The following ALPK2 variants were observed in gnomAD, a reference collection of about 807,000 sequenced individuals.
ALPK2 encodes alpha-protein kinase 2.
A neutral mutation model predicts 163.1 loss-of-function variants in ALPK2; 127 were observed. That is an observed-to-expected ratio of 0.78 (90% confidence interval 0.67 to 0.90). The LOEUF (loss-of-function observed/expected upper bound fraction) is 0.90. Ranked by LOEUF, ALPK2 falls within the 40% of genes least tolerant of loss-of-function variation. The pLI, the probability that ALPK2 is intolerant of heterozygous loss-of-function variation, is 0.00. For synonymous variants in ALPK2, 953 were observed against 959.1 expected (o/e 0.99, Z 0.12); for missense variants, 2,360 against 2,589.6 (o/e 0.91, Z 1.92).
chr18:58,585,938 C>T (rs1474625725), intron 3 of ALPK2, among the ~76,000 whole-genome samples: 1 of 152,142 alleles, frequency 6.6e-6, no homozygotes, highest in African/African-American at 2.4e-5. Context: ...CCTGCCTTGG[C>T]CTCCCAAAGT....
At chr18:58,577,392 T>C (rs1288323803) in intron 4 of ALPK2, among the ~76,000 whole-genome samples, 2 of 152,232 alleles carry the variant, frequency 1.3e-5, no homozygotes, top group African/African-American at 4.8e-5. Context: ...ATAAAGTAAT[T>C]TGTCCAGTGA....
intron 1 of ALPK2, among the ~76,000 whole-genome samples, chr18:58,622,363 A>ACAT (rs1409413042): frequency 6.6e-6 from 1 of 152,150 alleles, no homozygotes; most frequent in Non-Finnish European, 1.5e-5. Context: ...ATAATTAAAT[A>ACAT]CATAAATAAA....
intron 11 of ALPK2, among the ~76,000 whole-genome samples, chr18:58,500,203 G>T (rs987180961): frequency 2.0e-5 from 3 of 148,908 alleles, no homozygotes; most frequent in Non-Finnish European, 4.4e-5. Flanking sequence ...ATGTAGAAAT[G>T]CTTCACATAG....
rs192589408 is a variant in ALPK2, at chr18:58,534,680, G to A, written c.5353+154C>T. Among the ~76,000 whole-genome samples, 22 of 152,300 alleles carry A rather than the reference G, an allele frequency of 1.4e-4. No individual in the cohort carries two copies. The East Asian group carries it at 3.7e-3, about 25-fold the overall frequency. On this transcript the variant is annotated intron_variant, in intron 5 of 12. Transcript: ENST00000361673. ...AACAAGTCCTCCAGGTGATTCTGAT[G>A]CCACATGCTGAAGCCACTTGGCCAC...
At chr18:58,549,038 T>G (rs1019108013) in intron 4 of ALPK2, among the ~76,000 whole-genome samples, 4 of 152,232 alleles carry the variant, frequency 2.6e-5, no homozygotes, top group African/African-American at 7.2e-5. Context: ...ACTAAATCTC[T>G]TATTCATCAC....
intron 4 of ALPK2, chr18:58,578,605 C>A: frequency 3.9e-6 from 2 of 516,348 alleles, no homozygotes; most frequent in Non-Finnish European, 6.6e-6. Context: ...TTATCTGGGC[C>A]TTTTTTTCAA....
chr18:58,579,087 A>T lies in ALPK2; in HGVS notation c.1689T>A (p.His563Gln), dbSNP rs1430186162. The part of the protein sequence containing the change: ...LRESTTEGTL[H>Q]LCSAKESAEP... ...CAGCAGATTCTTTGGCAGAGCAGAG[A>T]TGAAGGGTACCTTCTGTTGTACTTT... Residue 563 changes from histidine to glutamine, a missense_variant, in exon 4 of 13, where the codon CAT (histidine) becomes CAA (glutamine). By Grantham distance (24) the His-to-Gln change is conservative. Coordinates refer to ENST00000361673, the MANE Select transcript of ALPK2 (RefSeq NM_052947.4). 6.2e-7 allele frequency: 1 copy of T among 1,614,232 alleles called. No homozygotes were observed.
intron 4 of ALPK2, among the ~76,000 whole-genome samples, chr18:58,573,629 T>TTTTTTTTTTTTTTG: frequency 7.0e-6 from 1 of 142,010 alleles, no homozygotes; most frequent in Non-Finnish European, 1.5e-5. Flanking sequence ...TTTTTTTTTT[T>TTTTTTTTTTTTTTG]TTTTTTTTAG....
At position 58,481,868 on chromosome 18, in the gene ALPK2, T is replaced by G. The variant is rs138028987; in HGVS notation, c.6468A>C (p.Thr2156=). 2 of 1,613,980 alleles carry G rather than the reference T, an allele frequency of 1.2e-6. No homozygotes were observed. Among genetic ancestry groups the G allele is most frequent in the Non-Finnish European group, 1.7e-6 (2 of 1,179,924 alleles). Residue 2156 remains threonine (T), a synonymous_variant, in exon 13 of 13, where the codon ACA becomes ACC. Coordinates refer to ENST00000361673, the MANE Select transcript of ALPK2 (RefSeq NM_052947.4). ...GGGTCTCAGGCCCTGCCTTCTTTAT[T>G]GTCATAGAGTTTGTTTGAACTTTGC... ...GKSKVQTNSM[T]IKKAGPETPG...
chr18:58,560,566 G>A (rs1210002933), intron 4 of ALPK2, among the ~76,000 whole-genome samples: 2 of 152,168 alleles, frequency 1.3e-5, no homozygotes, highest in African/African-American at 2.4e-5. Flanking sequence ...GACCAAGTGG[G>A]ACCACCTGGG....
At chr18:58,576,793 T>G (rs2051924116) in intron 4 of ALPK2, among the ~76,000 whole-genome samples, 1 of 152,218 alleles carries the variant, frequency 6.6e-6, no homozygotes, top group Non-Finnish European at 1.5e-5. Flanking sequence ...AAGATCGTAT[T>G]TCTAACTCCA....
intron 12 of ALPK2, among the ~76,000 whole-genome samples, chr18:58,482,627 C>A (rs954018075): frequency 7.2e-5 from 11 of 152,148 alleles, no homozygotes; most frequent in African/African-American, 2.4e-4. Flanking sequence ...CCCGCTTTGT[C>A]CCCAGGAGAA....
At position 58,498,486 on chromosome 18, in the gene ALPK2, A is replaced by G. The variant is rs142452533; in HGVS notation, c.6248-389T>C. ...CTTAGGTCTGGCTCCCCGTTCTTCA[A>G]TGAAAGTGGAAACCCTTACATGATG... On this transcript the variant is annotated intron_variant, in intron 11 of 12. Transcript: ENST00000361673. Among the ~76,000 whole-genome samples, 986 of 152,352 alleles carry G rather than the reference A, an allele frequency of 6.5e-3. 7 individuals are homozygous for G. Among genetic ancestry groups the G allele is most frequent in the South Asian group, 0.016 (75 of 4,828 alleles).
intron 2 of ALPK2, among the ~76,000 whole-genome samples, chr18:58,608,930 C>G (rs1400706029): frequency 6.6e-6 from 1 of 150,768 alleles, no homozygotes; most frequent in East Asian, 1.9e-4. Flanking sequence ...TGCACTCCAG[C>G]CTGGGCGACA....
chr18:58,531,318 A>C (rs1010398535), intron 5 of ALPK2, among the ~76,000 whole-genome samples: 5 of 152,016 alleles, frequency 3.3e-5, no homozygotes, highest in Admixed American at 2.6e-4. Context: ...AAGGCATTAA[A>C]TCTGTGCTCC....
At chr18:58,500,175 C>T (rs143173585) in intron 11 of ALPK2, among the ~76,000 whole-genome samples, 6 of 151,190 alleles carry the variant, frequency 4.0e-5, no homozygotes, top group South Asian at 2.1e-4. Flanking sequence ...CTTTCAAAGC[C>T]GCTAATAACT....
At chr18:58,555,278 C>CGA (rs1384452258) in intron 4 of ALPK2, among the ~76,000 whole-genome samples, 1 of 152,192 alleles carries the variant, frequency 6.6e-6, no homozygotes, top group Non-Finnish European at 1.5e-5. Context: ...AATTAACCTG[C>CGA]ACTTCTTTAA....
chr18:58,547,298 A>G (rs1422999746), intron 4 of ALPK2, among the ~76,000 whole-genome samples: 1 of 152,200 alleles, frequency 6.6e-6, no homozygotes, highest in Non-Finnish European at 1.5e-5. Context: ...GGAAAAGGAT[A>G]CAGCATGTCA....
At position 58,535,936 on chromosome 18, in the gene ALPK2, A is replaced by G. The variant is rs1052664317; in HGVS notation, c.4251T>C (p.Ala1417=). 2 of 1,614,188 alleles carry G rather than the reference A, an allele frequency of 1.2e-6. No individual in the cohort carries two copies. The highest frequency in any genetic ancestry group is 1.7e-6 in the Non-Finnish European group (2 of 1,180,028). ...TGGTTTCAGAGGGCTCTGGTTTTCC[A>G]GCCCTGGTGTACTCTATCACACTTA... ...DEISVIEYTR[A]GKPEPSETTP... Residue 1417 remains alanine, a synonymous_variant, in exon 5 of 13, where the codon GCT becomes GCC. Transcript: ENST00000361673.
Sources: gnomAD v4.1 joint callset for allele counts (sites outside exome capture counted in the v4.1 genomes callset) on GRCh38, gnomAD v4.1.1 for gene constraint, MANE v1.5 for transcripts, NCBI Gene and HGNC (gene_info 2026-07-23, HGNC 2026-07-21) for gene names.